The following LRGUK variants were observed in gnomAD, a reference collection of about 807,000 sequenced individuals.
LRGUK encodes the protein leucine rich repeats and guanylate kinase domain containing, also known as leucine-rich repeat and guanylate kinase domain-containing protein.
In LRGUK, 65 loss-of-function variants were observed where a neutral mutation model predicts 76.0. The ratio of observed to expected loss-of-function variants is 0.85; its 90% CI spans 0.70 to 1.05. The LOEUF is 1.05. Among genes scored for constraint, LRGUK ranks in the 50% least tolerant of loss-of-function variants. The pLI, the probability that LRGUK is intolerant of heterozygous loss-of-function variation, is 0.00. For missense variants in LRGUK, 758 were observed against 732.8 expected (o/e 1.03, Z -0.40); for synonymous variants, 268 against 265.6 (o/e 1.01, Z -0.09).
At chr7:134,127,907 T>C (rs1316682278) in intron 1 of LRGUK, among the ~76,000 whole-genome samples, 1 of 152,162 alleles carries the variant, frequency 6.6e-6, no homozygotes, top group Non-Finnish European at 1.5e-5. Flanking sequence ...TGATTTCTTA[T>C]GAGTCGAGTT....
chr7:134,264,205 T>A (rs1397806227), exon 20 of LRGUK: 1 of 383,826 alleles, frequency 2.6e-6, no homozygotes, highest in Middle Eastern at 6.7e-4. Context: ...AGATGTGAGT[T>A]TTTTTAATGT....
chr7:134,222,020 A>G, intron 16 of LRGUK, 102 bp downstream of exon 16: 1 of 1,133,556 alleles, frequency 8.8e-7, no homozygotes. Flanking sequence ...CCCCAAAATT[A>G]TTCTCTCACT....
intron 16 of LRGUK, among the ~76,000 whole-genome samples, chr7:134,225,817 A>T (rs1051737215): frequency 6.6e-6 from 1 of 152,234 alleles, no homozygotes; most frequent in Admixed American, 6.5e-5. Context: ...AAAACAAGCA[A>T]CATACCTTTC....
intron 8 of LRGUK, 50 bp downstream of exon 8, chr7:134,174,686 G>A (rs1799410631): frequency 9.8e-7 from 1 of 1,016,520 alleles, no homozygotes; most frequent in Non-Finnish European, 1.6e-6. Flanking sequence ...AAGTGGGATG[G>A]TGGAGGGAAA....
At chr7:134,242,038 G>T (rs1351239278) in intron 16 of LRGUK, among the ~76,000 whole-genome samples, 1 of 151,918 alleles carries the variant, frequency 6.6e-6, no homozygotes, top group Non-Finnish European at 1.5e-5. Flanking sequence ...CCAGAATCTG[G>T]GACACATTCA....
intron 12 of LRGUK, 130 bp downstream of exon 12, chr7:134,191,881 G>T (rs2117053946): frequency 3.5e-6 from 2 of 571,290 alleles, no homozygotes; most frequent in Non-Finnish European, 5.8e-6. Flanking sequence ...GAGTTTTTAT[G>T]GGGTTTTTTT....
chr7:134,157,882 T>G (rs1798552513), intron 5 of LRGUK, among the ~76,000 whole-genome samples, 153 bp from the exon 6 acceptor site: 1 of 152,214 alleles, frequency 6.6e-6, no homozygotes, highest in South Asian at 2.1e-4. Context: ...TGAAAAAATA[T>G]ATTTCAGGAT....
downstream of LRGUK, among the ~76,000 whole-genome samples, chr7:134,212,491 G>A (rs1801311500): frequency 6.6e-6 from 1 of 152,168 alleles, no homozygotes; most frequent in Non-Finnish European, 1.5e-5. Flanking sequence ...AATTTCAAAT[G>A]TTATTTCAAG....
chr7:134,263,993 G>C, exon 20 of LRGUK: 1 of 1,593,466 alleles, frequency 6.3e-7, no homozygotes, highest in Non-Finnish European at 8.5e-7. Context: ...CTTGATGTCT[G>C]ATCCTAACAT....
intron 1 of LRGUK, among the ~76,000 whole-genome samples, chr7:134,136,210 C>A (rs1797533040): frequency 6.6e-6 from 1 of 151,978 alleles, no homozygotes; most frequent in Non-Finnish European, 1.5e-5. Context: ...TAATACTGAC[C>A]CACCTGTTAT....
intron 10 of LRGUK, among the ~76,000 whole-genome samples, chr7:134,179,118 A>T (rs1411734096): frequency 6.7e-6 from 1 of 149,530 alleles, no homozygotes; most frequent in Non-Finnish European, 1.5e-5. Flanking sequence ...CTTAGAAGGA[A>T]GCCCAGCTAG....
exon 20 of LRGUK, chr7:134,264,230 T>C (rs1271762499): frequency 1.5e-5 from 5 of 337,740 alleles, no homozygotes; most frequent in South Asian, 1.4e-4. Flanking sequence ...TATTCTTAGC[T>C]TTTAAAAATG....
At chr7:134,135,828 T>C (rs550111102) in intron 1 of LRGUK, among the ~76,000 whole-genome samples, 50 of 152,284 alleles carry the variant, frequency 3.3e-4, no homozygotes, top group African/African-American at 1.1e-3. Flanking sequence ...GCTAATTTTT[T>C]TGTATTTTTA....
intron 5 of LRGUK, among the ~76,000 whole-genome samples, chr7:134,150,089 C>G (rs996789944): frequency 4.6e-5 from 7 of 152,068 alleles, no homozygotes; most frequent in African/African-American, 1.4e-4. Flanking sequence ...TCCTGGCTAA[C>G]ATGGTGAAAC....
chr7:134,200,611 A>G (rs1346608072), intron 14 of LRGUK, among the ~76,000 whole-genome samples: 1 of 152,182 alleles, frequency 6.6e-6, no homozygotes, highest in Non-Finnish European at 1.5e-5. Context: ...TGGACAGGGG[A>G]CATTAGTTGA....
chr7:134,187,792 AT>A (rs1193762663), intron 11 of LRGUK, among the ~76,000 whole-genome samples: 1 of 152,306 alleles, frequency 6.6e-6, no homozygotes, highest in South Asian at 2.1e-4. Context: ...TATCTTCTAG[AT>A]TTAAGGCCAT....
intron 19 of LRGUK, among the ~76,000 whole-genome samples, chr7:134,261,912 C>A (rs551660272): frequency 6.6e-6 from 1 of 152,072 alleles, no homozygotes; most frequent in Non-Finnish European, 1.5e-5. Context: ...GCTGCAGGCC[C>A]GATTTGGCCT....
At chr7:134,204,604 A>G (rs533966554) in intron 15 of LRGUK, among the ~76,000 whole-genome samples, 5 of 152,352 alleles carry the variant, frequency 3.3e-5, no homozygotes, top group Admixed American at 6.5e-5. Flanking sequence ...ACTTTATCTT[A>G]TCTAGACAAT....
chr7:134,249,062 A>G (rs779053923), exon 18 of LRGUK: 1 of 1,574,934 alleles, frequency 6.3e-7, no homozygotes, highest in Non-Finnish European at 8.6e-7. Flanking sequence ...CATTTGGACC[A>G]TATCCTGAAA....
Sources: allele counts gnomAD v4.1 joint callset (sites outside exome capture counted in the v4.1 genomes callset), GRCh38; gene constraint gnomAD v4.1.1; transcripts MANE v1.5; gene names NCBI Gene and HGNC (gene_info 2026-07-23, HGNC 2026-07-21).